The following CNBD1 variants were observed in gnomAD, a reference collection of about 807,000 sequenced individuals.
CNBD1 encodes cyclic nucleotide-binding domain-containing protein 1.
In CNBD1, 71 loss-of-function variants were observed where a neutral mutation model predicts 54.4. The ratio of observed to expected loss-of-function variants is 1.30; its 90% CI spans 1.08 to 1.59. The LOEUF is 1.59. Among genes scored for constraint, CNBD1 ranks in the 40% most tolerant of loss-of-function variants. The pLI is 0.00. For synonymous variants in CNBD1, 182 were observed against 170.7 expected (o/e 1.07, Z -0.51); for missense variants, 659 against 518.0 (o/e 1.27, Z -2.64).
At chr8:87,278,736 A>T (rs368849267) in intron 6 of CNBD1, among the ~76,000 whole-genome samples, 11 of 151,638 alleles carry the variant, frequency 7.3e-5, no homozygotes, top group African/African-American at 2.7e-4. Context: ...GAACAAAGAA[A>T]CTTCTTGGTG....
intron 6 of CNBD1, among the ~76,000 whole-genome samples, chr8:87,269,677 G>C (rs749660343): frequency 1.3e-5 from 2 of 151,864 alleles, no homozygotes; most frequent in Non-Finnish European, 2.9e-5. Context: ...CTCCTTTGTG[G>C]CTATTGTAAA....
intron 4 of CNBD1, among the ~76,000 whole-genome samples, chr8:86,943,187 C>T (rs1208286385): frequency 1.3e-5 from 2 of 151,320 alleles, no homozygotes; most frequent in African/African-American, 2.4e-5. Flanking sequence ...TGGAAACCAT[C>T]CTGGCCAACC....
chr8:87,279,893 AATTTATTGGCTAC>A (rs954898254), intron 6 of CNBD1, among the ~76,000 whole-genome samples: 59 of 151,386 alleles, frequency 3.9e-4, no homozygotes, highest in African/African-American at 1.1e-3. Flanking sequence ...TTTAAAGAGA[AATTTATTGGCTAC>A]ATTTACAAAC....
intron 4 of CNBD1, among the ~76,000 whole-genome samples, chr8:87,082,248 A>C (rs1301439135): frequency 2.0e-5 from 3 of 151,934 alleles, no homozygotes; most frequent in Non-Finnish European, 4.4e-5. Context: ...CTTGTGACCC[A>C]CACCCCTGCC....
intron 10 of CNBD1, among the ~76,000 whole-genome samples, chr8:87,368,512 C>G (rs1328205926): frequency 1.3e-5 from 2 of 151,864 alleles, no homozygotes; most frequent in African/African-American, 2.4e-5. Flanking sequence ...GTGCCTCACA[C>G]CTGTAGTCCC....
At chr8:87,247,164 T>G (rs1348455980) in intron 6 of CNBD1, among the ~76,000 whole-genome samples, 3 of 152,184 alleles carry the variant, frequency 2.0e-5, no homozygotes, top group Non-Finnish European at 4.4e-5. Flanking sequence ...GATTTGAAGT[T>G]GTCTCAAACA....
At chr8:87,062,135 T>G (rs1810560277) in intron 4 of CNBD1, among the ~76,000 whole-genome samples, 1 of 152,264 alleles carries the variant, frequency 6.6e-6, no homozygotes, top group South Asian at 2.1e-4. Context: ...AGCCAACTAC[T>G]GAGGTCTGCA....
At chr8:87,025,425 G>A (rs1809619657) in intron 4 of CNBD1, among the ~76,000 whole-genome samples, 1 of 152,200 alleles carries the variant, frequency 6.6e-6, no homozygotes, top group African/African-American at 2.4e-5. Flanking sequence ...GCGAAGGTCT[G>A]TGGCTTTACT....
chr8:86,989,847 G>A (rs117797855), intron 4 of CNBD1, among the ~76,000 whole-genome samples: 2,922 of 152,184 alleles, frequency 0.019, 93 homozygotes, highest in African/African-American at 0.06. Flanking sequence ...ATCCTTGCCA[G>A]CATTCAGCAT....
chr8:87,027,521 C>T (rs563397986), intron 4 of CNBD1, among the ~76,000 whole-genome samples: 22 of 152,142 alleles, frequency 1.4e-4, no homozygotes, highest in Non-Finnish European at 2.5e-4. Flanking sequence ...CTGTCCGCCT[C>T]GGCCTCCCAA....
At chr8:87,155,399 A>T (rs1812693748) in intron 4 of CNBD1, among the ~76,000 whole-genome samples, 1 of 152,188 alleles carries the variant, frequency 6.6e-6, no homozygotes, top group Admixed American at 6.5e-5. Context: ...AGGAGGAATA[A>T]ATAGAGTCTG....
intron 6 of CNBD1, among the ~76,000 whole-genome samples, chr8:87,262,636 C>G (rs192702432): frequency 2.6e-5 from 4 of 152,238 alleles, no homozygotes; most frequent in Admixed American, 2.6e-4. Flanking sequence ...TCTGGAGAAC[C>G]TTGACTAATA....
intron 4 of CNBD1, among the ~76,000 whole-genome samples, chr8:87,195,904 C>A (rs955943792): frequency 6.6e-6 from 1 of 152,138 alleles, no homozygotes; most frequent in East Asian, 1.9e-4. Context: ...TACTTCTTCA[C>A]TGATTTCTTC....
intron 8 of CNBD1, among the ~76,000 whole-genome samples, chr8:87,334,293 A>G (rs1809897168): frequency 6.6e-6 from 1 of 151,722 alleles, no homozygotes. Flanking sequence ...TAGTCTAGCT[A>G]GCAACCTATT....
downstream of CNBD1, among the ~76,000 whole-genome samples, chr8:87,384,419 C>G (rs1346418551): frequency 6.6e-6 from 1 of 151,966 alleles, no homozygotes. Context: ...ACATATTATA[C>G]TTCAGGCAGT....
At chr8:87,279,757 G>A (rs11992845) in intron 6 of CNBD1, among the ~76,000 whole-genome samples, 42,187 of 150,340 alleles carry the variant, frequency 0.28, 6,291 homozygotes, top group African/African-American at 0.39. Context: ...AATATGTGTA[G>A]TGAAACCACA....
intron 8 of CNBD1, among the ~76,000 whole-genome samples, chr8:87,339,106 C>T (rs750729300): frequency 1.2e-4 from 18 of 146,538 alleles, no homozygotes; most frequent in Non-Finnish European, 2.3e-4. Context: ...GATTAGAGTT[C>T]GATTAAACCA....
intron 8 of CNBD1, among the ~76,000 whole-genome samples, chr8:87,294,905 T>C (rs1327599716): frequency 6.6e-6 from 1 of 152,078 alleles, no homozygotes; most frequent in Admixed American, 6.6e-5. Context: ...ATAATATTTA[T>C]TAAGATTACT....
At chr8:87,377,794 C>T (rs1810982651) in intron 10 of CNBD1, among the ~76,000 whole-genome samples, 1 of 148,018 alleles carries the variant, frequency 6.8e-6, no homozygotes, top group Admixed American at 6.7e-5. Context: ...TCCTATTTCT[C>T]CACATCCTCT....
Sources: gnomAD v4.1 joint callset for allele counts (sites outside exome capture counted in the v4.1 genomes callset) on GRCh38, gnomAD v4.1.1 for gene constraint, MANE v1.5 for transcripts, NCBI Gene and HGNC (gene_info 2026-07-23, HGNC 2026-07-21) for gene names.